CCDC91: variants seen among roughly 807,000 people sequenced by gnomAD.
CCDC91 encodes the protein coiled-coil domain-containing protein 91.
CCDC91 carries 48 observed loss-of-function variants against 63.2 expected under a neutral mutation model. That is an observed-to-expected ratio of 0.76 (90% confidence interval 0.60 to 0.97). The LOEUF (loss-of-function observed/expected upper bound fraction) is 0.97. CCDC91 is among the 50% of genes least tolerant of loss of function. The probability of loss-of-function intolerance (pLI) is 0.00; values close to 1 mark genes in which losing one functional copy is unlikely to be tolerated. For synonymous variants in CCDC91, 167 were observed against 165.8 expected (o/e 1.01, Z -0.06); for missense variants, 500 against 494.6 (o/e 1.01, Z -0.10).
chr12:28,242,324 C>T (rs1324748110), intron 1 of CCDC91, among the ~76,000 whole-genome samples: 1 of 152,134 alleles, frequency 6.6e-6, no homozygotes, highest in African/African-American at 2.4e-5. Context: ...GCCCTTTTGG[C>T]GCTTGCCTGA....
chr12:28,320,610 C>T (rs1431023387), intron 6 of CCDC91, among the ~76,000 whole-genome samples: 1 of 151,812 alleles, frequency 6.6e-6, no homozygotes. Context: ...TAAGTGAAGA[C>T]TAGTTTGAAG....
rs181541427 is a variant in CCDC91, at chr12:28,329,666, C to T, written c.576+21917C>T. ...AGTTCTAGGGTACATGTGCACAACG[C>T]GCAGGTTTGTTACATAGGTATACAC... On this transcript the variant is annotated intron_variant, in intron 6 of 12. Transcript: ENST00000536442. Among the ~76,000 whole-genome samples the T allele has an allele frequency of 3.1e-4, 47 of 151,940 alleles. 1 individual carries two copies. Among genetic ancestry groups the T allele is most frequent in the East Asian group, 1.4e-3 (7 of 5,160 alleles).
intron 1 of CCDC91, among the ~76,000 whole-genome samples, chr12:28,244,494 CTTTTTTTTTTTTTTTTTTTT>C (rs3064681): frequency 7.8e-5 from 3 of 38,426 alleles, no homozygotes; most frequent in South Asian, 1.5e-3. Context: ...TAGAAGAAGG[CTTTTTTTTTTTTTTTTTTTT>C]TTTTTTTTTT....
rs574758991 is a variant in CCDC91, at chr12:28,316,518, T to A, written c.576+8769T>A. 8.0e-5 allele frequency among the ~76,000 whole-genome samples: 12 copies of A among 149,754 alleles called. 1 individual carries two copies. Among genetic ancestry groups the A allele is most frequent in the African/African-American group, 2.9e-4 (12 of 41,318 alleles). ...GAGTTTTTAATCTTTCTTTTTATTT[T>A]ATTTATTTATTTATTTTTACTTTCA... On this transcript the variant is annotated intron_variant, in intron 6 of 12. Coordinates refer to ENST00000536442, the MANE Select transcript of CCDC91 (RefSeq NM_018318.5).
chr12:28,353,322 TG>T (rs1367301596), intron 6 of CCDC91, among the ~76,000 whole-genome samples: 3 of 152,332 alleles, frequency 2.0e-5, no homozygotes, highest in East Asian at 1.9e-4. Flanking sequence ...GCAATAAGGC[TG>T]TATCACTTTC....
chr12:28,303,325 A>G (rs1266927529), intron 3 of CCDC91, among the ~76,000 whole-genome samples: 1 of 151,940 alleles, frequency 6.6e-6, no homozygotes, highest in East Asian at 1.9e-4. Flanking sequence ...GAGTACCTTC[A>G]TTCCCTCTCT....
intron 6 of CCDC91, among the ~76,000 whole-genome samples, chr12:28,336,446 T>G (rs1406268107): frequency 7.0e-6 from 1 of 143,220 alleles, no homozygotes; most frequent in Non-Finnish European, 1.6e-5. Flanking sequence ...TTAGCAATGG[T>G]TCCAGTGTTG....
intron 3 of CCDC91, among the ~76,000 whole-genome samples, chr12:28,298,798 G>A (rs904004366): frequency 6.7e-6 from 1 of 149,640 alleles, no homozygotes; most frequent in Admixed American, 6.7e-5. Context: ...ATATATAAGA[G>A]CTTTGCTTGT....
intron 1 of CCDC91, chr12:28,199,159 T>A (rs923590682): frequency 6.6e-5 from 10 of 152,118 alleles, no homozygotes; most frequent in African/African-American, 2.2e-4. Context: ...AGTGATCCTC[T>A]TACCTTGGCC....
chr12:28,209,318 A>G (rs576687225), intron 1 of CCDC91, among the ~76,000 whole-genome samples: 25 of 152,042 alleles, frequency 1.6e-4, no homozygotes, highest in Admixed American at 1.6e-3. Flanking sequence ...TTTAAGAAAA[A>G]CCCTGTTGTG....
intron 8 of CCDC91, among the ~76,000 whole-genome samples, chr12:28,449,921 T>C (rs916752416): frequency 2.0e-5 from 3 of 152,002 alleles, no homozygotes; most frequent in African/African-American, 7.2e-5. Flanking sequence ...GTAGTTGTTC[T>C]TAAGTTAGAT....
chr12:28,380,208 A>G (rs1945211173), intron 7 of CCDC91, among the ~76,000 whole-genome samples: 1 of 152,114 alleles, frequency 6.6e-6, no homozygotes, highest in South Asian at 2.1e-4. Flanking sequence ...TAGCATTAGG[A>G]GAAATACCTA....
intron 12 of CCDC91, among the ~76,000 whole-genome samples, chr12:28,506,965 G>A (rs1378318065): frequency 2.6e-5 from 4 of 151,856 alleles, no homozygotes; most frequent in Admixed American, 2.6e-4. Context: ...TGGGAATCAA[G>A]CTTTGGGAAT....
intron 7 of CCDC91, among the ~76,000 whole-genome samples, chr12:28,367,810 A>G (rs1236901228): frequency 2.0e-5 from 3 of 152,210 alleles, no homozygotes; most frequent in East Asian, 3.9e-4. Context: ...TAAGATTAAC[A>G]TTTACATCTG....
At chr12:28,267,070 A>G (rs917610583) in intron 3 of CCDC91, among the ~76,000 whole-genome samples, 3 of 151,880 alleles carry the variant, frequency 2.0e-5, no homozygotes, top group African/African-American at 4.8e-5. Context: ...ATGTACATAT[A>G]TATATATAGT....
At chr12:28,438,062 C>T (rs1000366618) in intron 8 of CCDC91, among the ~76,000 whole-genome samples, 15 of 152,110 alleles carry the variant, frequency 9.9e-5, no homozygotes, top group Admixed American at 5.9e-4. Context: ...GTTTATGACA[C>T]TTAAGCATCA....
At chr12:28,516,656 T>C (rs1333687186) in intron 12 of CCDC91, among the ~76,000 whole-genome samples, 1 of 151,844 alleles carries the variant, frequency 6.6e-6, no homozygotes, top group Non-Finnish European at 1.5e-5. Flanking sequence ...CACAGTTCTA[T>C]TGGTGAGGAA....
intron 1 of CCDC91, among the ~76,000 whole-genome samples, chr12:28,202,003 C>G (rs1427437695): frequency 6.6e-6 from 1 of 151,928 alleles, no homozygotes; most frequent in African/African-American, 2.4e-5. Context: ...GGCTCGGCAT[C>G]GGGAGAGGGA....
chr12:28,433,223 G>A (rs1209086856), intron 8 of CCDC91, among the ~76,000 whole-genome samples: 5 of 151,770 alleles, frequency 3.3e-5, no homozygotes, highest in Non-Finnish European at 4.4e-5. Context: ...TTTTAATGAA[G>A]TTCAGCTTAT....
Sources: gnomAD v4.1 joint callset for allele counts (sites outside exome capture counted in the v4.1 genomes callset) on GRCh38, gnomAD v4.1.1 for gene constraint, MANE v1.5 for transcripts, NCBI Gene and HGNC (gene_info 2026-07-23, HGNC 2026-07-21) for gene names.